Variants in OTC observed in about 807,000 individuals in gnomAD.
OTC encodes the protein ornithine transcarbamylase, mitochondrial.
Under a neutral mutation model 30.3 loss-of-function variants are expected in OTC, and 3 were observed. The ratio of observed to expected loss-of-function variants is 0.10; its 90% CI spans 0.05 to 0.26. OTC has a LOEUF of 0.26. Ranked by LOEUF, OTC falls within the 10% of genes least tolerant of loss-of-function variation. The pLI is 1.00. For synonymous variants in OTC, 111 were observed against 99.7 expected, an observed-to-expected ratio of 1.11 and a Z score of -0.67; for missense variants, 194 against 260.3, an observed-to-expected ratio of 0.75 and a Z score of 1.75.
intron 6 of OTC, among the ~76,000 whole-genome samples, chrX:38,404,854 G>A (rs764073170): frequency 9.0e-6 from 1 of 111,472 alleles, no homozygotes; most frequent in South Asian, 3.8e-4. Context: ...GAGAGTCCGG[G>A]CAAACCAAGG....
At chrX:38,401,667 T>C (rs1475670791) in intron 5 of OTC, among the ~76,000 whole-genome samples, 1 of 111,772 alleles carries the variant, frequency 8.9e-6, no homozygotes, top group Non-Finnish European at 1.9e-5. Context: ...TCTCATCTTA[T>C]GTTCTGTCAA....
downstream of OTC, among the ~76,000 whole-genome samples, chrX:38,421,932 A>G: frequency 9.0e-6 from 1 of 111,557 alleles, no homozygotes; most frequent in African/African-American, 3.3e-5. Context: ...TTTTTCCTCT[A>G]ATTTTTCTTT....
intron 4 of OTC, 132 bp from the exon 5 acceptor site, chrX:38,401,143 T>C (rs947804300): frequency 1.1e-4 from 60 of 537,435 alleles, no homozygotes; most frequent in Middle Eastern, 5.1e-4. Flanking sequence ...TTTAAACCTG[T>C]AATGTTGGTA....
At chrX:38,332,730 G>A in the OTC span, among the ~76,000 whole-genome samples, 1 of 108,133 alleles carries the variant, frequency 9.2e-6, no homozygotes, top group Non-Finnish European at 1.9e-5. Context: ...AATCTCAGTG[G>A]CTTAACACAA....
At chrX:38,351,010 G>C (rs975552978), upstream of OTC, among the ~76,000 whole-genome samples, 1 of 111,694 alleles carries the variant, frequency 9.0e-6, no homozygotes, top group African/African-American at 3.3e-5. Context: ...GGCCTTGTTT[G>C]CCTCTTCAAA....
intron 3 of OTC, among the ~76,000 whole-genome samples, chrX:38,370,257 T>G (rs1393696718): frequency 1.8e-5 from 2 of 112,207 alleles, no homozygotes; most frequent in African/African-American, 3.2e-5. Context: ...TGGTGGAAAT[T>G]TAATCTTTGC....
chrX:38,346,707 G>A, the OTC span, among the ~76,000 whole-genome samples: 1 of 112,653 alleles, frequency 8.9e-6, no homozygotes, highest in African/African-American at 3.2e-5. Context: ...ATACTACACA[G>A]TGTATGGTTC....
At chrX:38,413,664 T>A (rs1602035430) in intron 9 of OTC, among the ~76,000 whole-genome samples, 1 of 71,095 alleles carries the variant, frequency 1.4e-5, no homozygotes, top group Non-Finnish European at 2.4e-5. Context: ...TTGGCACATC[T>A]ATTTTTTTTT....
At chrX:38,412,064 T>C in intron 9 of OTC, 65 bp downstream of exon 9, 1 of 1,069,119 alleles carries the variant, frequency 9.4e-7, no homozygotes. Context: ...CATTCATGCC[T>C]TTGGGGAAAT....
the OTC span, among the ~76,000 whole-genome samples, chrX:38,344,988 G>C: frequency 2.7e-5 from 3 of 110,962 alleles, no homozygotes; most frequent in African/African-American, 9.8e-5. Flanking sequence ...CTGGAGGACT[G>C]TTCAAGACCA....
chrX:38,367,506 G>GA (rs757152442), intron 2 of OTC, 77 bp downstream of exon 2: 12 of 879,577 alleles, frequency 1.4e-5, no homozygotes, highest in Middle Eastern at 3.5e-4. Flanking sequence ...AAGAAAGAGG[G>GA]AAAAAAATAC....
At chrX:38,329,724 G>A in the OTC span, among the ~76,000 whole-genome samples, 13 of 111,826 alleles carry the variant, frequency 1.2e-4, no homozygotes, top group Admixed American at 9.4e-5. Context: ...CCAATCAGAT[G>A]TTTGAATAGG....
chrX:38,410,137 T>G (rs753477952), intron 8 of OTC, among the ~76,000 whole-genome samples: 1 of 112,161 alleles, frequency 8.9e-6, no homozygotes, highest in Admixed American at 9.5e-5. Flanking sequence ...AGTTGCTGCA[T>G]AGAATTCCAA....
chrX:38,368,277 T>G (rs1254252930), intron 2 of OTC, among the ~76,000 whole-genome samples: 4 of 111,332 alleles, frequency 3.6e-5, no homozygotes, highest in Non-Finnish European at 5.7e-5. Flanking sequence ...GGAGAATTGC[T>G]TGAACCCAGG....
the OTC span, among the ~76,000 whole-genome samples, chrX:38,347,059 G>A: frequency 8.9e-6 from 1 of 112,171 alleles, no homozygotes; most frequent in African/African-American, 3.2e-5. Flanking sequence ...CTTCCCCAAG[G>A]TTATTCAACC....
chrX:38,418,581 T>C (rs1218334955), intron 9 of OTC, among the ~76,000 whole-genome samples: 2 of 112,315 alleles, frequency 1.8e-5, no homozygotes, highest in Admixed American at 1.9e-4. Context: ...GGTTTGGCTG[T>C]GTCCCCACCC....
chrX:38,335,508 T>C, the OTC span, among the ~76,000 whole-genome samples: 1 of 112,845 alleles, frequency 8.9e-6, no homozygotes, highest in Middle Eastern at 4.2e-3. Flanking sequence ...GCCAGATTAA[T>C]AGCTTTTTCA....
chrX:38,398,075 C>T (rs2068465933), intron 4 of OTC, among the ~76,000 whole-genome samples: 1 of 111,966 alleles, frequency 8.9e-6, no homozygotes, highest in African/African-American at 3.3e-5. Context: ...AAATTAAATG[C>T]ATGCTTATCT....
intron 4 of OTC, among the ~76,000 whole-genome samples, chrX:38,383,983 A>T (rs1254745438): frequency 8.9e-6 from 1 of 111,854 alleles, no homozygotes; most frequent in Admixed American, 9.5e-5. Flanking sequence ...AAGCACAATC[A>T]ATGAAGGGAA....
Sources: allele counts gnomAD v4.1 joint callset (sites outside exome capture counted in the v4.1 genomes callset), GRCh38; gene constraint gnomAD v4.1.1; transcripts MANE v1.5; gene names NCBI Gene and HGNC (gene_info 2026-07-23, HGNC 2026-07-21).